The following TRIOBP variants were observed in gnomAD, a reference collection of about 807,000 sequenced individuals.
TRIOBP encodes the protein TRIO and F-actin binding protein.
A neutral mutation model predicts 238.8 loss-of-function variants in TRIOBP; 169 were observed. The ratio of observed to expected loss-of-function variants is 0.71; its 90% confidence interval spans 0.62 to 0.80. The LOEUF (loss-of-function observed/expected upper bound fraction) is 0.80. TRIOBP is among the 30% of genes least tolerant of loss of function. The pLI, the probability that TRIOBP is intolerant of heterozygous loss-of-function variation, is 0.00. For missense variants in TRIOBP, 2,838 were observed against 3,122.6 expected, an observed-to-expected ratio of 0.91 and a Z score of 2.17; for synonymous variants, 1,150 against 1,274.4, an observed-to-expected ratio of 0.90 and a Z score of 2.08.
chr22:37,704,253 T>C (rs1256218453), intron 3 of TRIOBP, among the ~76,000 whole-genome samples: 1 of 152,130 alleles, frequency 6.6e-6, no homozygotes, highest in African/African-American at 2.4e-5. Context: ...CGTAGTGGGA[T>C]GCGGCTATAG....
intron 7 of TRIOBP, among the ~76,000 whole-genome samples, chr22:37,731,799 A>G (rs1461489577): frequency 6.6e-6 from 1 of 152,146 alleles, no homozygotes; most frequent in Non-Finnish European, 1.5e-5. Context: ...TATGTTGTCT[A>G]GGCTGGTCTT....
At chr22:37,700,266 ATTT>A (rs35388184) in intron 2 of TRIOBP, among the ~76,000 whole-genome samples, 3 of 134,526 alleles carry the variant, frequency 2.2e-5, no homozygotes, top group Admixed American at 7.8e-5. Flanking sequence ...GGGAATCTAG[ATTT>A]TTTTTTTTTT....
In TRIOBP at chr22:37,724,787, C is replaced by A. The variant is rs779541548; in HGVS notation, c.2231C>A (p.Pro744His). 8 of 1,612,774 alleles carry A rather than the reference C, an allele frequency of 5.0e-6. No individual in the cohort carries two copies. The highest frequency in any genetic ancestry group is 5.9e-6 in the Non-Finnish European group (7 of 1,179,220). Reference sequence around the variant, plus strand: ...AACAGAACCATCCAGCGAGACAACCCCAGAACATCCTGTGCCCAGCGGGAC... The same window carrying A: ...AACAGAACCATCCAGCGAGACAACCACAGAACATCCTGTGCCCAGCGGGAC... ...SRNRTIQRDNPRTSCAQRDNP... is the reference protein window; with the variant it reads ...SRNRTIQRDNHRTSCAQRDNP... Residue 744 changes from proline (P) to histidine (H), a missense_variant, in exon 7 of 24, where the codon CCC (proline) becomes CAC (histidine). This residue lies in a region of TRIOBP where 167 missense variants were observed against 200.2 expected (regional missense o/e 0.83). Coordinates refer to ENST00000644935, the MANE Select transcript of TRIOBP (RefSeq NM_001039141.3).
intron 2 of TRIOBP, among the ~76,000 whole-genome samples, chr22:37,700,757 T>C (rs1295448156): frequency 6.6e-6 from 1 of 152,132 alleles, no homozygotes; most frequent in African/African-American, 2.4e-5. Flanking sequence ...AATGGCGCAA[T>C]CTTGGCTCAC....
At chr22:37,739,085 C>A (rs919415306) in intron 10 of TRIOBP, among the ~76,000 whole-genome samples, 1 of 152,116 alleles carries the variant, frequency 6.6e-6, no homozygotes, top group Non-Finnish European at 1.5e-5. Flanking sequence ...AGGGCTTCCA[C>A]GAGCAGGAGC....
chr22:37,772,562 A>G, intron 22 of TRIOBP, 39 bp from the exon 23 acceptor site: 1 of 1,613,398 alleles, frequency 6.2e-7, no homozygotes, highest in Non-Finnish European at 8.5e-7. Flanking sequence ...GGCTGGAGGG[A>G]GAGACTTCAT....
intron 3 of TRIOBP, among the ~76,000 whole-genome samples, chr22:37,709,348 C>T: frequency 6.6e-6 from 1 of 152,196 alleles, no homozygotes; most frequent in East Asian, 1.9e-4. Flanking sequence ...GGATCGGGTT[C>T]CTGCGGTTTC....
chr22:37,702,710 A>G (rs992036274), intron 3 of TRIOBP, among the ~76,000 whole-genome samples: 16 of 130,562 alleles, frequency 1.2e-4, no homozygotes, highest in African/African-American at 4.9e-4. Flanking sequence ...GGTCCAACCT[A>G]TAGTACATGG....
intron 21 of TRIOBP, among the ~76,000 whole-genome samples, chr22:37,769,949 G>A (rs1030482452): frequency 4.6e-5 from 7 of 151,410 alleles, no homozygotes; most frequent in Non-Finnish European, 5.9e-5. Context: ...GGCTGGTCTC[G>A]AACTCCGGAC....
chr22:37,765,590 C>T lies in TRIOBP; in HGVS notation c.6325-80C>T, dbSNP rs369766523. 324 of 1,538,324 alleles carry T rather than the reference C, an allele frequency of 2.1e-4. 4 individuals carry two copies. The South Asian group carries it at 3.8e-3, about 18-fold the overall frequency. On this transcript the variant is annotated intron_variant, in intron 17 of 23. Transcript: ENST00000644935. ...AGGAGGTGGTGTACCTGCCCCTGAG[C>T]CTTCTCCTCTGGAGGCTGGGGAAGG...
chr22:37,744,753 C>T (rs1925132830), intron 11 of TRIOBP, among the ~76,000 whole-genome samples: 1 of 152,212 alleles, frequency 6.6e-6, no homozygotes, highest in Non-Finnish European at 1.5e-5. Flanking sequence ...TGGACTTAAC[C>T]TTGGCCTCAT....
At chr22:37,771,519 T>G in intron 21 of TRIOBP, 131 bp from the exon 22 acceptor site, 1 of 777,758 alleles carries the variant, frequency 1.3e-6, no homozygotes, top group Non-Finnish European at 2.3e-6. Flanking sequence ...CTCCAGGATG[T>G]AGAGGGTTTT....
At chr22:37,761,294 A>T (rs1237680868) in intron 17 of TRIOBP, among the ~76,000 whole-genome samples, 1 of 152,002 alleles carries the variant, frequency 6.6e-6, no homozygotes, top group Non-Finnish European at 1.5e-5. Context: ...TAAAAAAAAA[A>T]AATACAAAAC....
intron 6 of TRIOBP, among the ~76,000 whole-genome samples, chr22:37,717,348 T>C (rs1923574649): frequency 6.6e-6 from 1 of 152,194 alleles, no homozygotes; most frequent in Non-Finnish European, 1.5e-5. Flanking sequence ...AGAACAAAGC[T>C]TCCACAGCAT....
chr22:37,732,702 A>C (rs1924485533), intron 7 of TRIOBP, among the ~76,000 whole-genome samples: 1 of 152,164 alleles, frequency 6.6e-6, no homozygotes, highest in Non-Finnish European at 1.5e-5. Context: ...AAGGAAAAGA[A>C]ATCCAAAATT....
intron 3 of TRIOBP, among the ~76,000 whole-genome samples, chr22:37,707,892 A>C (rs1049552455): frequency 1.4e-5 from 2 of 145,910 alleles, no homozygotes. Flanking sequence ...CAGTGAGCTG[A>C]GATCGCGCCA....
At chr22:37,770,645 G>A (rs1926728797) in intron 21 of TRIOBP, among the ~76,000 whole-genome samples, 1 of 151,728 alleles carries the variant, frequency 6.6e-6, no homozygotes, top group African/African-American at 2.4e-5. Context: ...TCAAAGTGTT[G>A]GGATTACAGG....
intron 7 of TRIOBP, among the ~76,000 whole-genome samples, chr22:37,730,739 C>A (rs12484064): frequency 0.24 from 36,816 of 151,806 alleles, 5,367 homozygotes; most frequent in South Asian, 0.41. Flanking sequence ...GTCAGGAGTT[C>A]AAAATGAGAC....
At chr22:37,741,177 C>A in intron 11 of TRIOBP, 145 bp downstream of exon 11, 1 of 1,172,532 alleles carries the variant, frequency 8.5e-7, no homozygotes, top group Non-Finnish European at 1.2e-6. Flanking sequence ...GAGGTGGGAG[C>A]AGAGCTCTTA....
Sources: allele counts gnomAD v4.1 joint callset (sites outside exome capture counted in the v4.1 genomes callset), GRCh38; gene constraint gnomAD v4.1.1; regional missense constraint gnomAD v4.1.1; transcripts MANE v1.5; gene names NCBI Gene and HGNC (gene_info 2026-07-23, HGNC 2026-07-21).